GRM5: variants seen among roughly 807,000 people sequenced by gnomAD.
GRM5 encodes the protein metabotropic glutamate receptor 5.
GRM5 carries 19 observed loss-of-function variants against 83.1 expected under a neutral mutation model. The observed-to-expected ratio is 0.23, with a 90% CI of 0.16 to 0.34. The LOEUF (loss-of-function observed/expected upper bound fraction) is 0.34, where lower values mean the gene tolerates loss of function less well. Among genes scored for constraint, GRM5 ranks in the 10% least tolerant of loss-of-function variants. GRM5 has a pLI of 1.00. For synonymous variants in GRM5, 675 were observed against 633.6 expected (o/e 1.07, Z -0.98); for missense variants, 1,160 against 1,588.3 (o/e 0.73, Z 4.58).
intron 9 of GRM5, among the ~76,000 whole-genome samples, chr11:88,520,051 C>T (rs184341277): frequency 5.1e-4 from 77 of 152,230 alleles, no homozygotes; most frequent in African/African-American, 1.8e-3. Flanking sequence ...CATGAGATTG[C>T]TCTACTGTGT....
chr11:88,810,923 A>G (rs11021410), intron 3 of GRM5, among the ~76,000 whole-genome samples: 3,878 of 152,240 alleles, frequency 0.025, 172 homozygotes, highest in African/African-American at 0.089. Flanking sequence ...GAATTAGGAA[A>G]TCTGGTTGTG....
intron 2 of GRM5, among the ~76,000 whole-genome samples, chr11:88,985,792 C>G (rs115401870): frequency 0.014 from 2,103 of 152,110 alleles, 65 homozygotes; most frequent in African/African-American, 0.048. Flanking sequence ...CAATCTATGT[C>G]AAATAGGGTT....
chr11:88,584,536 A>G (rs1943276308), intron 7 of GRM5, among the ~76,000 whole-genome samples: 1 of 152,086 alleles, frequency 6.6e-6, no homozygotes, highest in African/African-American at 2.4e-5. Context: ...TAAGTTTCCC[A>G]GGTTCAAGCG....
chr11:88,701,845 T>G (rs1043950872), intron 3 of GRM5, among the ~76,000 whole-genome samples: 7 of 152,268 alleles, frequency 4.6e-5, no homozygotes, highest in Admixed American at 2.0e-4. Context: ...TGTTAACCAA[T>G]GTACTGGGTC....
At chr11:88,529,410 G>T (rs1408162445) in intron 8 of GRM5, among the ~76,000 whole-genome samples, 2 of 151,390 alleles carry the variant, frequency 1.3e-5, no homozygotes, top group Admixed American at 1.3e-4. Context: ...AAATTGAGCA[G>T]ACATGCACCG....
At chr11:88,535,320 C>T (rs1282071478) in intron 8 of GRM5, among the ~76,000 whole-genome samples, 1 of 152,126 alleles carries the variant, frequency 6.6e-6, no homozygotes, top group East Asian at 1.9e-4. Context: ...CTTCTGGAGA[C>T]TTCTGAGAAC....
chr11:88,941,122 G>A (rs598285), intron 2 of GRM5, among the ~76,000 whole-genome samples: 141,509 of 151,634 alleles, frequency 0.93, 66,359 homozygotes, highest in Non-Finnish European at 0.98. Context: ...CTAATAAGAA[G>A]CAAAGTTTTT....
intron 2 of GRM5, among the ~76,000 whole-genome samples, chr11:88,874,919 C>T (rs1461609227): frequency 6.6e-6 from 1 of 151,930 alleles, no homozygotes; most frequent in African/African-American, 2.4e-5. Context: ...CTGAAACATG[C>T]TAATGAATAT....
chr11:88,941,054 C>A, intron 2 of GRM5, among the ~76,000 whole-genome samples: 1 of 151,856 alleles, frequency 6.6e-6, no homozygotes, highest in East Asian at 1.9e-4. Flanking sequence ...AAACTTAGAT[C>A]TTTGTTTCTA....
chr11:88,546,744 A>G (rs1942393549), intron 8 of GRM5, among the ~76,000 whole-genome samples: 1 of 152,092 alleles, frequency 6.6e-6, no homozygotes, highest in African/African-American at 2.4e-5. Flanking sequence ...ATGTAAATGA[A>G]TTTCTGTAAA....
At chr11:88,625,383 G>A (rs1443108857) in intron 4 of GRM5, among the ~76,000 whole-genome samples, 2 of 152,058 alleles carry the variant, frequency 1.3e-5, no homozygotes, top group Non-Finnish European at 2.9e-5. Context: ...TCTATCACAG[G>A]TGGCCCAGTA....
intron 2 of GRM5, among the ~76,000 whole-genome samples, chr11:89,017,723 A>T (rs1365451386): frequency 6.6e-6 from 1 of 152,232 alleles, no homozygotes; most frequent in Non-Finnish European, 1.5e-5. Flanking sequence ...CACAAGTACT[A>T]TATCAGATGC....
intron 4 of GRM5, among the ~76,000 whole-genome samples, chr11:88,639,278 T>C (rs1464681063): frequency 6.6e-5 from 10 of 152,256 alleles, no homozygotes; most frequent in Non-Finnish European, 2.9e-5. Flanking sequence ...ATCTCCAGCA[T>C]TCTCTCTTCA....
chr11:88,993,496 A>G (rs1456676459), intron 2 of GRM5, among the ~76,000 whole-genome samples: 4 of 152,246 alleles, frequency 2.6e-5, no homozygotes, highest in Admixed American at 2.0e-4. Flanking sequence ...AAATTATAGT[A>G]GCTTTGTAAT....
rs71470770 is a variant in GRM5, at chr11:88,524,214, C to CTTTTT, written c.2726+1090_2726+1094dup. 4.3e-4 allele frequency among the ~76,000 whole-genome samples: 44 copies of CTTTTT among 101,398 alleles called. 1 individual carries two copies. Among genetic ancestry groups the CTTTTT allele is most frequent in the East Asian group, 1.3e-3 (5 of 3,712 alleles). The allele number at this position is 101,398 out of a possible 152,430, so 66.5% of individuals were successfully genotyped here. On this transcript the variant is annotated intron_variant, in intron 9 of 9. Transcript: ENST00000305447. ...TTTTTCTTTCTTTCTTTCTTTCTTT[C>CTTTTT]TTTTTTTTTTTTTTTTTTTTTGAGA...
intron 3 of GRM5, among the ~76,000 whole-genome samples, chr11:88,765,874 T>A (rs1248589334): frequency 6.6e-6 from 1 of 151,738 alleles, no homozygotes; most frequent in East Asian, 1.9e-4. Flanking sequence ...AAATTGTGTA[T>A]ACAAAGACAC....
chr11:89,021,657 T>C (rs779021171), intron 2 of GRM5, among the ~76,000 whole-genome samples: 2 of 152,144 alleles, frequency 1.3e-5, no homozygotes, highest in Non-Finnish European at 2.9e-5. Flanking sequence ...GGAAAAATCA[T>C]GTGAAGATGA....
At chr11:88,534,370 A>T (rs1162372298) in intron 8 of GRM5, among the ~76,000 whole-genome samples, 1 of 152,206 alleles carries the variant, frequency 6.6e-6, no homozygotes, top group Non-Finnish European at 1.5e-5. Flanking sequence ...GCTGCCTAAG[A>T]CCATGGGAGG....
At chr11:88,860,182 A>G (rs1478631651) in intron 2 of GRM5, among the ~76,000 whole-genome samples, 1 of 152,120 alleles carries the variant, frequency 6.6e-6, no homozygotes, top group Non-Finnish European at 1.5e-5. Context: ...TCACTTTTTT[A>G]ATCTTCTTAA....
Sources: gnomAD v4.1 joint callset for allele counts (sites outside exome capture counted in the v4.1 genomes callset) on GRCh38, gnomAD v4.1.1 for gene constraint, MANE v1.5 for transcripts, NCBI Gene and HGNC (gene_info 2026-07-23, HGNC 2026-07-21) for gene names.